ARHGAP21: variants seen among roughly 807,000 people sequenced by gnomAD.
ARHGAP21 encodes rho GTPase-activating protein 21.
A neutral mutation model predicts 164.6 loss-of-function variants in ARHGAP21; 38 were observed. That is an observed-to-expected ratio of 0.23 (90% CI 0.18 to 0.30). ARHGAP21 has a LOEUF of 0.30. Among genes scored for constraint, ARHGAP21 ranks in the 10% least tolerant of loss-of-function variants. The pLI is 1.00. For missense variants in ARHGAP21, 1,822 were observed against 2,370.7 expected, an observed-to-expected ratio of 0.77 and a Z score of 4.81; for synonymous variants, 766 against 857.9, an observed-to-expected ratio of 0.89 and a Z score of 1.87.
intron 4 of ARHGAP21, among the ~76,000 whole-genome samples, chr10:24,640,551 C>T (rs933914587): frequency 6.6e-6 from 1 of 151,818 alleles, no homozygotes; most frequent in African/African-American, 2.4e-5. Flanking sequence ...AGATAAGCCT[C>T]GCAAGAAGTA....
chr10:24,662,888 C>A (rs942540603), intron 4 of ARHGAP21, among the ~76,000 whole-genome samples: 1 of 152,000 alleles, frequency 6.6e-6, no homozygotes, highest in Non-Finnish European at 1.5e-5. Flanking sequence ...CTGTTAGACC[C>A]CTGATGGTAA....
At chr10:24,680,580 C>T (rs139727198) in intron 2 of ARHGAP21, among the ~76,000 whole-genome samples, 16 of 152,298 alleles carry the variant, frequency 1.1e-4, no homozygotes, top group African/African-American at 3.4e-4. Context: ...CTGAATGTGA[C>T]ATAGCTCAGG....
intron 25 of ARHGAP21, among the ~76,000 whole-genome samples, chr10:24,587,383 G>GTAATAGAAACAGACAGTATATTTCTC (rs2076149711): frequency 2.6e-5 from 4 of 152,192 alleles, no homozygotes; most frequent in Non-Finnish European, 5.9e-5. Flanking sequence ...GGTATGCTGA[G>GTAATAGAAACAGACAGTATATTTCTC]TAATAGAAAC....
intron 23 of ARHGAP21, 118 bp from the exon 24 acceptor site, chr10:24,591,448 A>C: frequency 9.0e-7 from 1 of 1,107,900 alleles, no homozygotes. Context: ...TAATGTGTTT[A>C]CATTGTTTAC....
intron 6 of ARHGAP21, among the ~76,000 whole-genome samples, chr10:24,632,328 CGTT>C (rs1301693318): frequency 6.6e-6 from 1 of 152,014 alleles, no homozygotes; most frequent in African/African-American, 2.4e-5. Context: ...CAAAACATAT[CGTT>C]GTATTTATGA....
intron 2 of ARHGAP21, among the ~76,000 whole-genome samples, chr10:24,675,293 A>G (rs2131830459): frequency 6.6e-6 from 1 of 152,388 alleles, no homozygotes; most frequent in Non-Finnish European, 1.5e-5. Context: ...GCTGAGTTAA[A>G]GAACCCAGAT....
chr10:24,601,956 G>C (rs778112845), intron 13 of ARHGAP21, 22 bp downstream of exon 13: 12 of 1,525,146 alleles, frequency 7.9e-6, no homozygotes, highest in African/African-American at 6.9e-5. Flanking sequence ...TGACACTCAG[G>C]GTGGCTTAGA....
chr10:24,633,881 CTCT>C (rs1836088782), intron 5 of ARHGAP21, among the ~76,000 whole-genome samples: 6 of 98,490 alleles, frequency 6.1e-5, no homozygotes, highest in African/African-American at 1.9e-4. Context: ...GTCTTTTTTT[CTCT>C]TTTTTTTTTT....
intron 2 of ARHGAP21, among the ~76,000 whole-genome samples, chr10:24,693,796 C>A (rs1391484601): frequency 6.6e-6 from 1 of 152,128 alleles, no homozygotes; most frequent in Non-Finnish European, 1.5e-5. Flanking sequence ...GGTTTTACTA[C>A]CATAAACCAG....
At chr10:24,618,946 G>C (rs2131159466) in intron 9 of ARHGAP21, among the ~76,000 whole-genome samples, 1 of 152,290 alleles carries the variant, frequency 6.6e-6, no homozygotes, top group Admixed American at 6.5e-5. Flanking sequence ...ACAGGTGCCG[G>C]CAACTGTGGC....
intron 4 of ARHGAP21, among the ~76,000 whole-genome samples, chr10:24,639,366 T>C (rs1836751078): frequency 1.3e-5 from 2 of 152,152 alleles, no homozygotes; most frequent in Admixed American, 1.3e-4. Flanking sequence ...ATGATAATAA[T>C]TATTCCTACC....
chr10:24,656,261 A>T (rs1309164753), intron 4 of ARHGAP21, among the ~76,000 whole-genome samples: 7 of 84,746 alleles, frequency 8.3e-5, no homozygotes, highest in Non-Finnish European at 4.4e-5. Flanking sequence ...GGGAGGTGAG[A>T]GGCACCTCTG....
chr10:24,701,522 C>G (rs752441337), intron 2 of ARHGAP21, among the ~76,000 whole-genome samples: 8 of 151,992 alleles, frequency 5.3e-5, no homozygotes, highest in Middle Eastern at 3.4e-3. Flanking sequence ...TGAATAGAAC[C>G]CTAAAGAAAG....
chr10:24,600,615 A>G, intron 14 of ARHGAP21, 31 bp downstream of exon 14: 2 of 1,600,272 alleles, frequency 1.2e-6, no homozygotes, highest in South Asian at 1.1e-5. Context: ...TGAAAGGGTC[A>G]GATTTCTCCA....
rs768137047 is a variant in ARHGAP21 at position 24,597,521 on chromosome 10, C to A, written c.3260G>T (p.Gly1087Val). 6.2e-7 allele frequency: 1 copy of A among 1,614,122 alleles called. No individual in the cohort carries two copies. Among genetic ancestry groups the A allele is most frequent in the Non-Finnish European group, 8.5e-7 (1 of 1,179,992 alleles). ...QSLSIRQTLLGAKSEPKTQSP... is the reference protein window; with the variant it reads ...QSLSIRQTLLVAKSEPKTQSP... ...TTGAGTCTTTGGCTCTGATTTAGCA[C>A]CAAGCAAAGTTTGCCTGATGCTGAG... Residue 1087 changes from glycine (G) to valine (V), a missense_variant, in exon 16 of 26, where the codon GGT (glycine) becomes GTT (valine). By Grantham distance (109) the Gly-to-Val change is moderately radical. Coordinates refer to ENST00000396432, the MANE Select transcript of ARHGAP21 (RefSeq NM_020824.4).
chr10:24,692,724 C>T (rs1454697293), intron 2 of ARHGAP21, among the ~76,000 whole-genome samples: 1 of 152,050 alleles, frequency 6.6e-6, no homozygotes, highest in Non-Finnish European at 1.5e-5. Context: ...CCCAGCTACT[C>T]AGGAGGCTGA....
chr10:24,643,095 A>C (rs960199925), intron 4 of ARHGAP21, among the ~76,000 whole-genome samples: 1 of 152,182 alleles, frequency 6.6e-6, no homozygotes, highest in Non-Finnish European at 1.5e-5. Context: ...ACATGAATCA[A>C]AATTTTCTGG....
chr10:24,671,012 C>T (rs1840649382), intron 2 of ARHGAP21, among the ~76,000 whole-genome samples: 1 of 152,062 alleles, frequency 6.6e-6, no homozygotes, highest in Admixed American at 6.5e-5. Context: ...GAACCACCAC[C>T]TATTATTAGT....
intron 2 of ARHGAP21, among the ~76,000 whole-genome samples, chr10:24,704,292 T>TC (rs951425798): frequency 2.1e-5 from 3 of 145,586 alleles, no homozygotes; most frequent in African/African-American, 7.6e-5. Context: ...TTCTTTTCTT[T>TC]TTTTTTTTTT....
Sources: gnomAD v4.1 joint callset for allele counts (sites outside exome capture counted in the v4.1 genomes callset) on GRCh38, gnomAD v4.1.1 for gene constraint, MANE v1.5 for transcripts, NCBI Gene and HGNC (gene_info 2026-07-23, HGNC 2026-07-21) for gene names.